CFLAR: variants seen among roughly 807,000 people sequenced by gnomAD.
CFLAR encodes the protein CASP8 and FADD like apoptosis regulator.
Under a neutral mutation model 51.1 loss-of-function variants are expected in CFLAR, and 14 were observed. The ratio of observed to expected loss-of-function variants is 0.27; its 90% confidence interval spans 0.18 to 0.43. CFLAR has a LOEUF of 0.43. CFLAR is among the 20% of genes least tolerant of loss of function. The pLI is 1.00. For missense variants in CFLAR, 390 were observed against 566.5 expected (o/e 0.69, Z 3.16); for synonymous variants, 210 against 211.6 (o/e 0.99, Z 0.06).
Position 201,134,564 on chromosome 2 carries a change from G to A in CFLAR, c.388-1408G>A, listed in dbSNP as rs760018226. Among the ~76,000 whole-genome samples the A allele has an allele frequency of 1.7e-3, 251 of 151,686 alleles. 1 individual carries two copies. The highest frequency in any genetic ancestry group is 1.8e-3 in the Non-Finnish European group (124 of 67,958). ...GCAGGAGAATTGCTAGAACCCAGGA[G>A]GCAGAGGTTGCAGTAAGCCAAGATT... is the stretch of plus-strand genomic sequence containing the variant. On this transcript the variant is annotated intron_variant, in intron 3 of 9. Transcript: ENST00000309955.
chr2:201,119,107 T>C (rs1247170579), intron 1 of CFLAR: 2 of 152,424 alleles, frequency 1.3e-5, no homozygotes, highest in African/African-American at 4.8e-5. Flanking sequence ...CTCTGGGGAA[T>C]GGGGCACCCT....
At chr2:201,159,275 C>A (rs1005458983) in intron 8 of CFLAR, among the ~76,000 whole-genome samples, 3 of 151,876 alleles carry the variant, frequency 2.0e-5, no homozygotes, top group Admixed American at 2.0e-4. Context: ...AATATCAGCA[C>A]CTCCTTTGTA....
In CFLAR at chr2:201,160,425, T is replaced by C; in HGVS notation, c.794-7T>C. 6.2e-7 allele frequency: 1 copy of C among 1,607,844 alleles called. No individual in the cohort carries two copies. Among genetic ancestry groups the C allele is most frequent in the Non-Finnish European group, 8.5e-7 (1 of 1,177,472 alleles). On this transcript the variant is annotated splice_region_variant and splice_polypyrimidine_tract_variant and intron_variant, in intron 8 of 9. Transcript: ENST00000309955. ...TGTTTTCCGTGTTTGTTTTTTGTTT[T>C]CCCCAGAGCTTCTTCGAGACACCTT...
intron 1 of CFLAR, among the ~76,000 whole-genome samples, chr2:201,126,851 A>G (rs2048762250): frequency 6.6e-6 from 1 of 152,236 alleles, no homozygotes; most frequent in Admixed American, 6.5e-5. Context: ...TGTGTGAAAG[A>G]TAACTCTGAC....
chr2:201,155,749 A>T (rs1019187283), intron 8 of CFLAR, among the ~76,000 whole-genome samples: 2 of 151,800 alleles, frequency 1.3e-5, no homozygotes, highest in Admixed American at 1.3e-4. Flanking sequence ...TCACCCTCCC[A>T]AGTAGCTGGA....
At chr2:201,140,296 G>A in intron 4 of CFLAR, 61 bp from the exon 5 acceptor site, 1 of 1,579,728 alleles carries the variant, frequency 6.3e-7, no homozygotes, top group African/African-American at 1.4e-5. Context: ...AACCACTATT[G>A]AAGATTTATT....
rs1489704191 is a variant in CFLAR, at chr2:201,160,425, TCCCCA to T, written c.794-6_794-2del. The T allele has an allele frequency of 6.2e-7, 1 of 1,607,808 alleles. No homozygotes were observed. Among genetic ancestry groups the T allele is most frequent in the Non-Finnish European group, 8.5e-7 (1 of 1,177,462 alleles). On this transcript the variant is annotated splice_acceptor_variant and splice_polypyrimidine_tract_variant and intron_variant, in intron 8 of 9. Transcript: ENST00000309955. LOFTEE classifies it high-confidence loss of function. ...TGTTTTCCGTGTTTGTTTTTTGTTT[TCCCCA>T]GAGCTTCTTCGAGACACCTTCACTT...
At position 201,171,277 on chromosome 2, in the gene CFLAR, C is replaced by T. The variant is rs1260342002; in HGVS notation, c.*7304C>T. The T allele has an allele frequency of 6.6e-6, 1 of 152,096 alleles. No homozygotes were observed. Among genetic ancestry groups the T allele is most frequent in the Non-Finnish European group, 1.5e-5 (1 of 68,010 alleles). 9.4% of individuals were successfully genotyped at this position (152,096 alleles called of 1,614,324 possible). A position where few individuals can be genotyped will look rare whatever the true frequency, so the allele number is the denominator to read the frequency against. On this transcript the variant is annotated 3_prime_UTR_variant, in exon 10 of 10. Transcript: ENST00000309955. ...TACTTACGCATGTAACCAGATACCA[C>T]CTGTTCCCCAAACACCTATGGAAAT...
intron 4 of CFLAR, chr2:201,137,658 C>T: frequency 1.3e-6 from 1 of 759,482 alleles, no homozygotes. Flanking sequence ...GATATCCTGG[C>T]AGCCATGCTG....
Position 201,164,009 on chromosome 2 carries a change from T to G in CFLAR, c.*36T>G, listed in dbSNP as rs1943311373. On this transcript the variant is annotated 3_prime_UTR_variant, in exon 10 of 10. Transcript: ENST00000309955. The stretch of plus-strand genomic sequence containing the variant: ...GGCTGGGCGTAGTGGCTCACACCTG[T>G]AATCCCAGCACTTTGGGAGGCCAAG... 1.3e-6 allele frequency: 2 copies of G among 1,581,032 alleles called. No homozygotes were observed. Among genetic ancestry groups the G allele is most frequent in the Non-Finnish European group, 1.7e-6 (2 of 1,160,296 alleles).
chr2:201,133,190 C>A, intron 3 of CFLAR, 56 bp downstream of exon 3: 1 of 1,300,984 alleles, frequency 7.7e-7, no homozygotes, highest in Non-Finnish European at 1.1e-6. Context: ...GTGGGAGCTA[C>A]TCTTGTTGAT....
chr2:201,131,883 C>T (rs531162103), intron 2 of CFLAR, among the ~76,000 whole-genome samples: 2 of 151,932 alleles, frequency 1.3e-5, no homozygotes, highest in African/African-American at 2.4e-5. Context: ...ACTTGTAAAG[C>T]GAAAAATAAT....
chr2:201,133,741 T>C lies in CFLAR; in HGVS notation c.387+607T>C, dbSNP rs531746237. On this transcript the variant is annotated intron_variant, in intron 3 of 9. Coordinates refer to ENST00000309955, the MANE Select transcript of CFLAR (RefSeq NM_003879.7). ...GTCAGGAGATCGAGACCAACCTGGC[T>C]AACACGGTGAAACCCTATCTCTACT... Among the ~76,000 whole-genome samples the C allele has an allele frequency of 8.6e-5, 13 of 151,728 alleles. No homozygotes were observed. The East Asian group carries it at 1.7e-3, about 20-fold the overall frequency.
chr2:201,154,224 T>A, intron 8 of CFLAR: 1 of 197,002 alleles, frequency 5.1e-6, no homozygotes, highest in South Asian at 6.0e-5. Context: ...CCTGAGTAAC[T>A]GGGATTACAG....
At chr2:201,131,551 G>C (rs1054053321) in intron 2 of CFLAR, among the ~76,000 whole-genome samples, 5 of 151,868 alleles carry the variant, frequency 3.3e-5, no homozygotes, top group Non-Finnish European at 5.9e-5. Context: ...TTTTTCTCTC[G>C]ACCACCAGCC....
In CFLAR at chr2:201,176,278, CGGGGG is replaced by C. The variant is rs150924424; in HGVS notation, c.*12313_*12317del. On this transcript the variant is annotated 3_prime_UTR_variant, in exon 10 of 10. Transcript: ENST00000309955. ...GATCAGTCTCAGGTGTTTTCTATTG[CGGGGG>C]GGGGGGGCGGGCGGGGGAGCTGCCT... 3 of 37,708 alleles carry C rather than the reference CGGGGG, an allele frequency of 8.0e-5. No individual in the cohort carries two copies. The highest frequency in any genetic ancestry group is 4.8e-4 in the African/African-American group (3 of 6,302). 2.3% of individuals were successfully genotyped at this position (37,708 alleles called of 1,614,324 possible).
intron 6 of CFLAR, 77 bp from the exon 7 acceptor site, chr2:201,148,926 A>G: frequency 2.1e-6 from 2 of 948,210 alleles, no homozygotes; most frequent in Middle Eastern, 2.1e-4. Flanking sequence ...GTTGTTATAC[A>G]AAGAAACTCA....
chr2:201,117,717 G>T (rs1484114099), intron 1 of CFLAR, among the ~76,000 whole-genome samples: 1 of 146,044 alleles, frequency 6.8e-6, no homozygotes, highest in African/African-American at 2.5e-5. Flanking sequence ...CAAAAGTTTC[G>T]TTGAACAAAA....
chr2:201,145,784 A>G (rs1940012946), intron 6 of CFLAR: 1 of 186,730 alleles, frequency 5.4e-6, no homozygotes, highest in African/African-American at 2.4e-5. Flanking sequence ...CAGCAGGAAG[A>G]GGAATGGTAA....
Sources: gnomAD v4.1 joint callset for allele counts (sites outside exome capture counted in the v4.1 genomes callset) on GRCh38, gnomAD v4.1.1 for gene constraint, MANE v1.5 for transcripts, NCBI Gene and HGNC (gene_info 2026-07-23, HGNC 2026-07-21) for gene names.